PIK3C2A: variants seen among roughly 807,000 people sequenced by gnomAD.
PIK3C2A encodes the protein phosphatidylinositol 4-phosphate 3-kinase C2 domain-containing subunit alpha.
A neutral mutation model predicts 204.5 loss-of-function variants in PIK3C2A; 97 were observed. The ratio of observed to expected loss-of-function variants is 0.47; its 90% CI spans 0.40 to 0.56. PIK3C2A has a LOEUF of 0.56. Among genes scored for constraint, PIK3C2A ranks in the 20% least tolerant of loss-of-function variants. The pLI is 0.00. For missense variants in PIK3C2A, 1,735 were observed against 1,969.2 expected (o/e 0.88, Z 2.25); for synonymous variants, 653 against 664.4 (o/e 0.98, Z 0.26).
chr11:17,150,384 A>T, intron 4 of PIK3C2A, 114 bp downstream of exon 4: 2 of 859,888 alleles, frequency 2.3e-6, no homozygotes, highest in Non-Finnish European at 3.4e-6. Context: ...TATCCATATG[A>T]ATGCCAAAAA....
intron 26 of PIK3C2A, among the ~76,000 whole-genome samples, chr11:17,097,811 G>A (rs919765531): frequency 1.3e-5 from 2 of 152,320 alleles, no homozygotes; most frequent in South Asian, 2.1e-4. Flanking sequence ...CTACTCGGGA[G>A]GCAGAGGCAG....
rs1358352993 is a variant in PIK3C2A at position 17,094,672 on chromosome 11, C to G, written c.4327-287G>C. 2.6e-5 allele frequency among the ~76,000 whole-genome samples: 4 copies of G among 151,956 alleles called. No homozygotes were observed. The East Asian group carries it at 7.7e-4, about 29-fold the overall frequency. On this transcript the variant is annotated intron_variant, in intron 27 of 32. Coordinates refer to ENST00000691414, the MANE Select transcript of PIK3C2A (RefSeq NM_002645.4). ...CTGGGAGACAGAGGTTGCAGTGAAC[C>G]GAGATGGCACTGTACTCCAGCCTGG...
chr11:17,107,694 G>T (rs1848869320), intron 22 of PIK3C2A, among the ~76,000 whole-genome samples: 1 of 152,124 alleles, frequency 6.6e-6, no homozygotes, highest in Non-Finnish European at 1.5e-5. Context: ...TTAAAATGAA[G>T]GAGATGCATT....
intron 2 of PIK3C2A, among the ~76,000 whole-genome samples, chr11:17,161,133 TGGGGAAGATTTA>T (rs1241430941): frequency 2.0e-5 from 3 of 152,150 alleles, no homozygotes; most frequent in Admixed American, 2.0e-4. Context: ...TACAAGAATA[TGGGGAAGATTTA>T]TACCTATACA....
intron 25 of PIK3C2A, among the ~76,000 whole-genome samples, chr11:17,100,949 T>C (rs1338479826): frequency 1.3e-5 from 2 of 152,198 alleles, no homozygotes; most frequent in African/African-American, 2.4e-5. Flanking sequence ...TGAGTGAATG[T>C]TGACAATTCA....
intron 1 of PIK3C2A, among the ~76,000 whole-genome samples, chr11:17,178,092 C>CAAAAAAAAAAAAA (rs750346823): frequency 3.1e-5 from 2 of 64,110 alleles, no homozygotes; most frequent in Non-Finnish European, 5.2e-5. Flanking sequence ...GACTCCATCT[C>CAAAAAAAAAAAAA]AAAAAAAAAA....
chr11:17,148,743 C>T lies in PIK3C2A; in HGVS notation c.1372G>A (p.Val458Ile). Residue 458 changes from valine (V) to isoleucine (I), a missense_variant, in exon 5 of 33, where the codon GTA becomes ATA. Physicochemically the swap from Val to Ile is conservative, Grantham distance 29. Transcript: ENST00000691414. ...EIIIMQALCW[V>I]HDDLNQVDVG... ...TCTACTTGATTCAAGTCATCATGTA[C>T]CCAGCAAAGGGCTTGCATTATAATG... is the stretch of plus-strand genomic sequence containing the variant. The T allele has an allele frequency of 1.9e-6, 3 of 1,611,726 alleles. No individual in the cohort carries two copies. Among genetic ancestry groups the T allele is most frequent in the Non-Finnish European group, 2.5e-6 (3 of 1,178,074 alleles).
chr11:17,194,146 C>T (rs1852055968), intron 1 of PIK3C2A: 2 of 748,734 alleles, frequency 2.7e-6, no homozygotes, highest in Admixed American at 3.3e-5. Flanking sequence ...TTGCCCACCC[C>T]AAGCTTGGGA....
rs1849037464 is a variant in PIK3C2A, at chr11:17,112,631, T to C, written c.3357A>G (p.Leu1119=). The C allele has an allele frequency of 3.9e-6, 6 of 1,556,426 alleles. No individual in the cohort carries two copies. In the African/African-American group the frequency reaches 5.5e-5, roughly 14 times the overall value. ...GGTCAGCATTCACCATTGTGACTTT[T>C]AGGGGGACAGCATTAGAACTGAAGA... The part of the protein sequence containing the change: ...CSFFSSNAVP[L]KVTMVNADPM... Residue 1119 remains leucine, a synonymous_variant, in exon 21 of 33, where the codon CTA becomes CTG. Coordinates refer to ENST00000691414, the MANE Select transcript of PIK3C2A (RefSeq NM_002645.4).
rs144399985 is a variant in PIK3C2A at position 17,094,327 on chromosome 11, G to A, written c.4385C>T (p.Thr1462Ile). ...GQIEPSFVFR[T>I]FDEFQELHNK... ...GTGAAGTTCCTGAAATTCGTCAAAT[G>A]TTCGGAAGACAAATGATGGTTCAAT... is the stretch of plus-strand genomic sequence containing the variant. The change falls in exon 28 of 33, where the codon ACA (threonine) becomes ATA (isoleucine). Residue 1462 changes from threonine (T) to isoleucine (I), a missense_variant. By Grantham distance (89) the Thr-to-Ile change is moderately conservative. Transcript: ENST00000691414. The A allele has an allele frequency of 4.5e-5, 73 of 1,610,894 alleles. 1 individual carries two copies. Among genetic ancestry groups the A allele is most frequent in the Non-Finnish European group, 5.8e-5 (68 of 1,177,074 alleles).
rs867682004 is a variant in PIK3C2A at position 17,089,090 on chromosome 11, C to T, written c.*648G>A. The T allele has an allele frequency of 2.0e-5, 3 of 152,072 alleles. No individual in the cohort carries two copies. Among genetic ancestry groups the T allele is most frequent in the South Asian group, 2.1e-4 (1 of 4,820 alleles). 9.4% of individuals were successfully genotyped at this position (152,072 alleles called of 1,614,324 possible). On this transcript the variant is annotated 3_prime_UTR_variant, in exon 33 of 33. Coordinates refer to ENST00000691414, the MANE Select transcript of PIK3C2A (RefSeq NM_002645.4). ...ATCAAATCAGGAAAAAAATCAGAAA[C>T]GAAGTGCCAGGGAAGCATATAAAGT...
chr11:17,139,115 G>A (rs1434705947), intron 8 of PIK3C2A, among the ~76,000 whole-genome samples: 2 of 151,954 alleles, frequency 1.3e-5, no homozygotes, highest in Admixed American at 6.6e-5. Flanking sequence ...GTTTCACCAC[G>A]TTGGCCAGGC....
intron 22 of PIK3C2A, among the ~76,000 whole-genome samples, chr11:17,109,136 G>A (rs539845308): frequency 6.6e-6 from 1 of 152,200 alleles, no homozygotes; most frequent in Non-Finnish European, 1.5e-5. Flanking sequence ...TTGGAAGGAC[G>A]ATTATCTTTC....
chr11:17,139,976 A>G (rs920631780), intron 8 of PIK3C2A, among the ~76,000 whole-genome samples: 1 of 152,228 alleles, frequency 6.6e-6, no homozygotes, highest in African/African-American at 2.4e-5. Flanking sequence ...GCCCTTGGTC[A>G]GCTCTCCTTC....
chr11:17,091,528 A>G lies in PIK3C2A; in HGVS notation c.4752+19T>C. On this transcript the variant is annotated intron_variant, in intron 31 of 32. Coordinates refer to ENST00000691414, the MANE Select transcript of PIK3C2A (RefSeq NM_002645.4). Reference sequence around the variant, plus strand: ...GGTAAGGGTTTCCTCTACAACCATCATTCTTTGTAATCACTCACAAGATCT... The same window carrying G: ...GGTAAGGGTTTCCTCTACAACCATCGTTCTTTGTAATCACTCACAAGATCT... 1 of 1,607,790 alleles carries G rather than the reference A, an allele frequency of 6.2e-7. No homozygotes were observed.
intron 1 of PIK3C2A, among the ~76,000 whole-genome samples, chr11:17,182,033 G>C (rs368972565): frequency 1.3e-5 from 2 of 151,502 alleles, no homozygotes; most frequent in Non-Finnish European, 2.9e-5. Flanking sequence ...TGGAGGTTGC[G>C]GTTAGCCAAG....
Position 17,207,425 on chromosome 11 carries a change from C to T in PIK3C2A, c.-66+423G>A, listed in dbSNP as rs569472927. Among the ~76,000 whole-genome samples the T allele has an allele frequency of 8.5e-4, 129 of 152,310 alleles. 1 individual carries two copies. The highest frequency in any genetic ancestry group is 3.0e-3 in the African/African-American group (123 of 41,576). ...GGCCGTCACTGAGAAGTACAACACA[C>T]ACACTCGCCAGAACTAACAATCTGC... On this transcript the variant is annotated intron_variant, in intron 1 of 32. Transcript: ENST00000691414.
At chr11:17,135,873 A>G (rs1849856881) in intron 9 of PIK3C2A, among the ~76,000 whole-genome samples, 1 of 152,164 alleles carries the variant, frequency 6.6e-6, no homozygotes, top group African/African-American at 2.4e-5. Context: ...TATCCTTTAT[A>G]TTTATCATGG....
intron 25 of PIK3C2A, among the ~76,000 whole-genome samples, chr11:17,101,030 T>C (rs1317825141): frequency 2.0e-5 from 3 of 152,118 alleles, no homozygotes; most frequent in African/African-American, 7.2e-5. Context: ...TACTAATACT[T>C]CCCATCCCAA....
Sources: allele counts gnomAD v4.1 joint callset (sites outside exome capture counted in the v4.1 genomes callset), GRCh38; gene constraint gnomAD v4.1.1; transcripts MANE v1.5; gene names NCBI Gene and HGNC (gene_info 2026-07-23, HGNC 2026-07-21).